The following PHRF1 variants were observed in gnomAD, a reference collection of about 807,000 sequenced individuals.
The protein encoded by PHRF1 is PHD and ring finger domains 1.
PHRF1 carries 53 observed loss-of-function variants against 128.9 expected under a neutral mutation model. The ratio of observed to expected loss-of-function variants is 0.41; its 90% confidence interval spans 0.33 to 0.52. PHRF1 has a LOEUF of 0.52. PHRF1 is among the 20% of genes least tolerant of loss of function. The pLI, the probability that PHRF1 is intolerant of heterozygous loss-of-function variation, is 0.21. For missense variants in PHRF1, 2,503 were observed against 2,284.5 expected, an observed-to-expected ratio of 1.10 and a Z score of -1.95; for synonymous variants, 1,178 against 980.6, an observed-to-expected ratio of 1.20 and a Z score of -3.76.
intron 13 of PHRF1, 174 bp from the exon 14 acceptor site, chr11:606,892 A>G: frequency 8.9e-7 from 1 of 1,122,308 alleles, no homozygotes; most frequent in South Asian, 1.7e-5. Flanking sequence ...TCATCCACAG[A>G]GTGGCTGTTG....
intron 3 of PHRF1, among the ~76,000 whole-genome samples, chr11:585,253 T>TAC (rs1854467645): frequency 6.7e-6 from 1 of 150,326 alleles, no homozygotes; most frequent in African/African-American, 2.5e-5. Flanking sequence ...CTTGAGGTAG[T>TAC]AGCCCTTTCC....
chr11:580,587 A>G (rs938575118), intron 1 of PHRF1, among the ~76,000 whole-genome samples: 6 of 152,206 alleles, frequency 3.9e-5, no homozygotes, highest in African/African-American at 1.4e-4. Flanking sequence ...AGAGCACCCT[A>G]CGTGTCACTG....
intron 9 of PHRF1, among the ~76,000 whole-genome samples, chr11:599,885 G>A (rs1855527236): frequency 6.6e-6 from 1 of 152,196 alleles, no homozygotes; most frequent in Non-Finnish European, 1.5e-5. Flanking sequence ...GTTCAGCACA[G>A]TACTCTGGGA....
chr11:581,977 G>A lies in PHRF1; in HGVS notation c.110G>A (p.Gly37Asp), dbSNP rs1854231289. The change falls in exon 3 of 18, where the codon GGC becomes GAC. Residue 37 changes from glycine (G) to aspartate (D), a missense_variant. Transcript: ENST00000264555. ...TGGTGTCTAGAAGAAAGCAGCGTGG[G>A]CAGCAGTGGGGACTCTGGGGACGAC... ...PAGDFEESSVGSSGDSGDDSD... is the reference protein window; with the variant it reads ...PAGDFEESSVDSSGDSGDDSD... The A allele has an allele frequency of 2.5e-6, 4 of 1,603,264 alleles. No individual in the cohort carries two copies. The highest frequency in any genetic ancestry group is 3.4e-6 in the Non-Finnish European group (4 of 1,175,246).
chr11:609,332 C>T lies in PHRF1; in HGVS notation c.3876C>T (p.Pro1292=), dbSNP rs752615310. The change falls in exon 14 of 18, where the codon CCC becomes CCT. Residue 1292 remains proline, a synonymous_variant. Coordinates refer to ENST00000264555, the MANE Select transcript of PHRF1 (RefSeq NM_001286581.2). ...ATGACATGAGCTCGCCACCTTCTCC[C>T]GAAAGCACAGACTCTTCCCCGGAGC... is the stretch of plus-strand genomic sequence containing the variant. ...QLDDMSSPPS[P]ESTDSSPERD... The T allele has an allele frequency of 3.9e-5, 63 of 1,612,400 alleles. 1 individual carries two copies. The South Asian group carries it at 5.2e-4, about 13-fold the overall frequency.
At chr11:603,725 G>A (rs1589892355) in intron 10 of PHRF1, among the ~76,000 whole-genome samples, 1 of 103,280 alleles carries the variant, frequency 9.7e-6, no homozygotes, top group South Asian at 3.0e-4. Context: ...CCATATTTAA[G>A]TTTGTTTTTT....
At chr11:589,859 G>A (rs887441344) in intron 4 of PHRF1, among the ~76,000 whole-genome samples, 19 of 151,408 alleles carry the variant, frequency 1.3e-4, no homozygotes, top group Non-Finnish European at 2.5e-4. Context: ...CGGGCACGGA[G>A]CGTGCGGGGC....
chr11:581,917 G>A, intron 2 of PHRF1, 45 bp from the exon 3 acceptor site: 1 of 1,530,026 alleles, frequency 6.5e-7, no homozygotes, highest in Non-Finnish European at 8.8e-7. Flanking sequence ...TCTGCTGCAT[G>A]GTCTTGACGC....
rs772244333 is a variant in PHRF1, at chr11:609,668, C to T, written c.4212C>T (p.Thr1404=). Residue 1404 remains threonine, a synonymous_variant, in exon 14 of 18, where the codon ACC becomes ACT. Coordinates refer to ENST00000264555, the MANE Select transcript of PHRF1 (RefSeq NM_001286581.2). ...LRSRALVKRV[T]WNLQESESSA... ...CCAGAGCCCTGGTGAAGCGGGTCAC[C>T]TGGAACCTGCAGGAGTCGGAGAGCA... 1.3e-6 allele frequency: 2 copies of T among 1,554,966 alleles called. No individual in the cohort carries two copies. The highest frequency in any genetic ancestry group is 1.4e-5 in the African/African-American group (1 of 73,504).
rs755827397 is a variant in PHRF1, at chr11:607,290, C to G, written c.1834C>G (p.Gln612Glu). ...CTTGCCAGCAGCCCCTGGGGCGGTT[C>G]AGGCTCGGAACTTGTCAAATGGGAG... The part of the protein sequence containing the change: ...LDLPAAPGAV[Q>E]ARNLSNGSVP... Residue 612 changes from glutamine (Q) to glutamate (E), a missense_variant, in exon 14 of 18, where the codon CAG (glutamine) becomes GAG (glutamate). Physicochemically the swap from Gln to Glu is conservative, Grantham distance 29. Coordinates refer to ENST00000264555, the MANE Select transcript of PHRF1 (RefSeq NM_001286581.2). 3.1e-6 allele frequency: 5 copies of G among 1,612,570 alleles called. No homozygotes were observed. Among genetic ancestry groups the G allele is most frequent in the Middle Eastern group, 1.6e-4 (1 of 6,084 alleles).
At chr11:584,648 G>A (rs750456646) in intron 3 of PHRF1, among the ~76,000 whole-genome samples, 2 of 151,784 alleles carry the variant, frequency 1.3e-5, no homozygotes, top group Non-Finnish European at 2.9e-5. Flanking sequence ...AGGGCTGAGC[G>A]CCCCGAAGGA....
At chr11:581,394 A>G in intron 1 of PHRF1, 98 bp from the exon 2 acceptor site, 1 of 960,530 alleles carries the variant, frequency 1.0e-6, no homozygotes, top group Non-Finnish European at 1.6e-6. Context: ...GGTGGATGTG[A>G]CACGGGGATG....
intron 9 of PHRF1, 102 bp downstream of exon 9, chr11:598,604 C>T (rs1430379775): frequency 3.5e-6 from 5 of 1,443,358 alleles, no homozygotes; most frequent in Non-Finnish European, 4.6e-6. Flanking sequence ...TCCATTTCTT[C>T]TTTCTGCAAG....
At chr11:596,830 C>A in intron 6 of PHRF1, 93 bp from the exon 7 acceptor site, 1 of 1,074,690 alleles carries the variant, frequency 9.3e-7, no homozygotes, top group Non-Finnish European at 1.4e-6. Flanking sequence ...ACTTGGGTGC[C>A]ATCGGAGGCC....
In PHRF1 at chr11:608,995, C is replaced by T; in HGVS notation, c.3539C>T (p.Ser1180Phe). Residue 1180 changes from serine (S) to phenylalanine (F), a missense_variant, in exon 14 of 18, where the codon TCC becomes TTC. Transcript: ENST00000264555. ...HRAREHRRPR[S>F]REKWPQTRSH... is the part of the protein sequence containing the mutation. ...GCACGGGAGCACAGGCGGCCTCGGT[C>T]CCGTGAGAAGTGGCCGCAGACCCGG... 6.2e-7 allele frequency: 1 copy of T among 1,603,938 alleles called. No homozygotes were observed. The highest frequency in any genetic ancestry group is 2.2e-5 in the East Asian group (1 of 44,502).
chr11:593,868 A>G (rs1855129117), intron 6 of PHRF1, among the ~76,000 whole-genome samples: 1 of 152,042 alleles, frequency 6.6e-6, no homozygotes, highest in Non-Finnish European at 1.5e-5. Context: ...CACGAGTCTG[A>G]GCCTAAATCC....
chr11:597,166 C>T lies in PHRF1; in HGVS notation c.718+146C>T. On this transcript the variant is annotated intron_variant, in intron 7 of 17. Coordinates refer to ENST00000264555, the MANE Select transcript of PHRF1 (RefSeq NM_001286581.2). This position sits in a 1 kb window ranked among gnomAD's most constrained non-coding sequence, Gnocchi z 6.5. ...AGGGTTGGCTGCGGTGTCGGGAGGA[C>T]ATCTAGGGCTGTCTCGGGCTCGTCT... 1.0e-6 allele frequency: 1 copy of T among 982,448 alleles called. No homozygotes were observed. The highest frequency in any genetic ancestry group is 1.5e-6 in the Non-Finnish European group (1 of 667,824). 60.9% of individuals were successfully genotyped at this position (982,448 alleles called of 1,614,324 possible).
chr11:606,990 T>C, intron 13 of PHRF1, 76 bp from the exon 14 acceptor site: 1 of 1,511,940 alleles, frequency 6.6e-7, no homozygotes, highest in Non-Finnish European at 8.8e-7. Context: ...GAAAACCAGT[T>C]GTGATAAAAA....
At position 609,344 on chromosome 11, in the gene PHRF1, C is replaced by G; in HGVS notation, c.3888C>G (p.Asp1296Glu). 6.2e-7 allele frequency: 1 copy of G among 1,612,504 alleles called. No homozygotes were observed. Among genetic ancestry groups the G allele is most frequent in the Non-Finnish European group, 8.5e-7 (1 of 1,179,894 alleles). ...MSSPPSPEST[D>E]SSPERDFPLK... The stretch of plus-strand genomic sequence containing the variant: ...CGCCACCTTCTCCCGAAAGCACAGA[C>G]TCTTCCCCGGAGCGAGACTTCCCAC... Residue 1296 changes from aspartate (D) to glutamate (E), a missense_variant, in exon 14 of 18, where the codon GAC becomes GAG. Coordinates refer to ENST00000264555, the MANE Select transcript of PHRF1 (RefSeq NM_001286581.2).
Sources: gnomAD v4.1 joint callset for allele counts (sites outside exome capture counted in the v4.1 genomes callset) on GRCh38, gnomAD v4.1.1 for gene constraint, Gnocchi (gnomAD v3.1) non-coding constraint, MANE v1.5 for transcripts, NCBI Gene and HGNC (gene_info 2026-07-23, HGNC 2026-07-21) for gene names.